HNMT: variants seen among roughly 807,000 people sequenced by gnomAD.
HNMT encodes the protein histamine N-methyltransferase.
HNMT carries 30 observed loss-of-function variants against 32.1 expected under a neutral mutation model. That is an observed-to-expected ratio of 0.93 (90% CI 0.70 to 1.27). HNMT has a LOEUF of 1.27. HNMT is among the 50% of genes most tolerant of loss of function. The pLI, the probability that HNMT is intolerant of heterozygous loss-of-function variation, is 0.00. For missense variants in HNMT, 327 were observed against 346.0 expected (o/e 0.95, Z 0.43); for synonymous variants, 125 against 119.0 (o/e 1.05, Z -0.33).
rs181299450 is a variant in HNMT, at chr2:137,988,525, T to C, written c.191-12393T>C. 3.4e-5 allele frequency: 5 copies of C among 148,380 alleles called. No homozygotes were observed. The Admixed American group carries it at 3.4e-4, about 10-fold the overall frequency. 9.2% of individuals were successfully genotyped at this position (148,380 alleles called of 1,614,324 possible). A position where few individuals can be genotyped will look rare whatever the true frequency, so the allele number is the denominator to read the frequency against. On this transcript the variant is annotated intron_variant, in intron 2 of 5. Coordinates refer to ENST00000280097, the MANE Select transcript of HNMT (RefSeq NM_006895.3). ...TAAATGGTTAAACAAGACTATAATA[T>C]GACAGATCTGAACTATTGACCCCCC...
At chr2:137,974,629 T>C (rs1346074304) in intron 2 of HNMT, among the ~76,000 whole-genome samples, 2 of 152,202 alleles carry the variant, frequency 1.3e-5, no homozygotes, top group Non-Finnish European at 2.9e-5. Flanking sequence ...TCCCAGTGTT[T>C]GGTTCTTATG....
Position 137,964,519 on chromosome 2 carries a change from T to A in HNMT, c.28T>A (p.Ser10Thr), listed in dbSNP as rs569985358. 4.3e-6 allele frequency: 7 copies of A among 1,613,830 alleles called. No individual in the cohort carries two copies. The East Asian group carries it at 1.6e-4, about 36-fold the overall frequency. The part of the protein sequence containing the change: MASSMRSLF[S>T]DHGKYVESFR... Reference sequence around the variant, plus strand: ...GGCATCTTCCATGAGGAGCTTGTTTTCTGACCACGGGAAATATGTTGAATC... The same window carrying A: ...GGCATCTTCCATGAGGAGCTTGTTTACTGACCACGGGAAATATGTTGAATC... The change falls in exon 1 of 6, where the codon TCT becomes ACT. Residue 10 changes from serine to threonine, a missense_variant. By Grantham distance (58) the Ser-to-Thr change is moderately conservative. Transcript: ENST00000280097.
At chr2:137,975,700 C>T (rs1033121210) in intron 2 of HNMT, among the ~76,000 whole-genome samples, 3 of 152,150 alleles carry the variant, frequency 2.0e-5, no homozygotes, top group Admixed American at 2.0e-4. Context: ...CAAGTAGGAA[C>T]TGGAAGATCC....
At chr2:138,013,345 C>A (rs980481857) in intron 5 of HNMT, among the ~76,000 whole-genome samples, 8 of 152,102 alleles carry the variant, frequency 5.3e-5, no homozygotes, top group Admixed American at 5.2e-4. Flanking sequence ...TCTGCCCTCA[C>A]TCATTCAGCT....
At chr2:137,997,154 A>G (rs1213997924) in intron 2 of HNMT, among the ~76,000 whole-genome samples, 1 of 152,250 alleles carries the variant, frequency 6.6e-6, no homozygotes, top group Admixed American at 6.5e-5. Context: ...AATTGCAACA[A>G]AAGCCAACAT....
chr2:137,969,382 C>T (rs1446345424), intron 1 of HNMT, among the ~76,000 whole-genome samples: 1 of 152,176 alleles, frequency 6.6e-6, no homozygotes, highest in Non-Finnish European at 1.5e-5. Flanking sequence ...CTCCTCCCAG[C>T]TTAAATCTTG....
intron 4 of HNMT, 25 bp from the exon 5 acceptor site, chr2:138,005,107 C>T: frequency 2.4e-6 from 3 of 1,263,614 alleles, no homozygotes; most frequent in Non-Finnish European, 3.5e-6. Context: ...AGAAGCAGCT[C>T]ATTTCTCTTT....
Position 137,981,731 on chromosome 2 carries a change from C to T in HNMT, c.190+11514C>T, listed in dbSNP as rs57311680. The stretch of plus-strand genomic sequence containing the variant: ...AACACCTCTAACCCTATAACATAAA[C>T]CATGTTATACCCATTTTACACATAT... On this transcript the variant is annotated intron_variant, in intron 2 of 5. Transcript: ENST00000280097. The T allele has an allele frequency of 6.2e-3, 1,324 of 214,446 alleles. 21 individuals are homozygous for T. The highest frequency in any genetic ancestry group is 0.028 in the African/African-American group (1,241 of 44,318). 13.3% of individuals were successfully genotyped at this position (214,446 alleles called of 1,614,324 possible).
intron 2 of HNMT, among the ~76,000 whole-genome samples, chr2:137,997,251 A>T (rs1268129341): frequency 6.6e-6 from 1 of 152,190 alleles, no homozygotes; most frequent in Middle Eastern, 3.2e-3. Context: ...ACAGAATGGG[A>T]TAAAATTTCT....
intron 2 of HNMT, chr2:137,981,312 A>C (rs772515726): frequency 6.2e-7 from 1 of 1,613,572 alleles, no homozygotes; most frequent in East Asian, 2.2e-5. Flanking sequence ...ATGAGGATCC[A>C]TGATGAGCGC....
At position 137,998,574 on chromosome 2, in the gene HNMT, G is replaced by A. The variant is rs1164258754; in HGVS notation, c.191-2344G>A. ...TTAATTTATTTTTGTCAGGAATCCA[G>A]CACACATGAGCTTATACTCTAGAGG... On this transcript the variant is annotated intron_variant, in intron 2 of 5. Transcript: ENST00000280097. 2.0e-5 allele frequency among the ~76,000 whole-genome samples: 3 copies of A among 152,100 alleles called. No individual in the cohort carries two copies. The East Asian group carries it at 5.8e-4, about 29-fold the overall frequency.
At chr2:138,000,274 A>C (rs1161775517) in intron 2 of HNMT, among the ~76,000 whole-genome samples, 1 of 152,036 alleles carries the variant, frequency 6.6e-6, no homozygotes, top group Non-Finnish European at 1.5e-5. Flanking sequence ...TTCCCCCATG[A>C]AGCATCATCA....
At chr2:137,995,014 G>C (rs1680946021) in intron 2 of HNMT, among the ~76,000 whole-genome samples, 1 of 152,108 alleles carries the variant, frequency 6.6e-6, no homozygotes, top group African/African-American at 2.4e-5. Flanking sequence ...CACAACTAAA[G>C]CAGTGTTAAG....
At chr2:137,996,681 C>A (rs1178377599) in intron 2 of HNMT, among the ~76,000 whole-genome samples, 1 of 152,164 alleles carries the variant, frequency 6.6e-6, no homozygotes, top group Non-Finnish European at 1.5e-5. Context: ...TTTTAAATTT[C>A]ATATGTAATC....
At chr2:137,977,352 A>C (rs1159464701) in intron 2 of HNMT, among the ~76,000 whole-genome samples, 4 of 152,156 alleles carry the variant, frequency 2.6e-5, no homozygotes, top group African/African-American at 9.7e-5. Flanking sequence ...CCTGACAGTC[A>C]TGCTGTATAA....
chr2:137,998,842 TAA>T (rs1681074428), intron 2 of HNMT, among the ~76,000 whole-genome samples: 1 of 152,200 alleles, frequency 6.6e-6, no homozygotes, highest in Admixed American at 6.5e-5. Flanking sequence ...GAGATCCTCA[TAA>T]TTGATAATTT....
intron 2 of HNMT, among the ~76,000 whole-genome samples, chr2:137,984,018 C>G (rs541889546): frequency 2.6e-5 from 4 of 152,162 alleles, no homozygotes; most frequent in Non-Finnish European, 4.4e-5. Flanking sequence ...GTACTATACC[C>G]TGAAGATTAC....
Position 138,006,152 on chromosome 2 carries a change from C to T in HNMT, c.523+927C>T, listed in dbSNP as rs548660898. On this transcript the variant is annotated intron_variant, in intron 5 of 5. Transcript: ENST00000280097. ...ACATTTAGATATACTATTTTTATCT[C>T]TATTTAGTTAAAAATACTCATTTAT... 4.6e-5 allele frequency among the ~76,000 whole-genome samples: 7 copies of T among 152,084 alleles called. No individual in the cohort carries two copies. In the East Asian group the frequency reaches 1.4e-3, roughly 29 times the overall value.
At chr2:137,978,296 G>GTA (rs1161666489) in intron 2 of HNMT, among the ~76,000 whole-genome samples, 2 of 146,402 alleles carry the variant, frequency 1.4e-5, no homozygotes, top group African/African-American at 5.0e-5. Flanking sequence ...CTACAGTTAT[G>GTA]TATGTATATA....
Sources: allele counts gnomAD v4.1 joint callset (sites outside exome capture counted in the v4.1 genomes callset), GRCh38; gene constraint gnomAD v4.1.1; transcripts MANE v1.5; gene names NCBI Gene and HGNC (gene_info 2026-07-23, HGNC 2026-07-21).